The following CREB5 variants were observed in gnomAD, a reference collection of about 807,000 sequenced individuals.
The protein encoded by CREB5 is cAMP responsive element binding protein 5, also known as cyclic AMP-responsive element-binding protein 5.
CREB5 carries 19 observed loss-of-function variants against 57.1 expected under a neutral mutation model. That is an observed-to-expected ratio of 0.33 (90% CI 0.23 to 0.49). The LOEUF (loss-of-function observed/expected upper bound fraction) is 0.49, where lower values mean the gene tolerates loss of function less well. CREB5 is among the 20% of genes least tolerant of loss of function. The pLI, the probability that CREB5 is intolerant of heterozygous loss-of-function variation, is 0.99. For missense variants in CREB5, 579 were observed against 671.6 expected (o/e 0.86, Z 1.52); for synonymous variants, 238 against 238.3 (o/e 1.00, Z 0.01).
At chr7:28,409,746 G>A (rs1562696720), upstream of CREB5, 5 of 363,794 alleles carry the variant, frequency 1.4e-5, no homozygotes, top group African/African-American at 4.5e-5. This position sits in a 1 kb window ranked among gnomAD's most constrained non-coding sequence, Gnocchi z 4.4. Context: ...GTGAGTGCCG[G>A]AGCGCTCGGT....
intron 5 of CREB5, among the ~76,000 whole-genome samples, chr7:28,620,696 G>A (rs1281168348): frequency 1.3e-5 from 2 of 152,058 alleles, no homozygotes; most frequent in Admixed American, 6.5e-5. Context: ...ATCCAGAGCC[G>A]CTACGGTCAA....
chr7:28,303,109 T>C (rs1023295049), intron 1 of CREB5, among the ~76,000 whole-genome samples: 1 of 141,984 alleles, frequency 7.0e-6, no homozygotes, highest in Non-Finnish European at 1.5e-5. Flanking sequence ...GCCATTGCAC[T>C]CCAGCCTGGG....
chr7:28,592,953 T>A (rs1314006901), intron 5 of CREB5, among the ~76,000 whole-genome samples: 1 of 152,236 alleles, frequency 6.6e-6, no homozygotes, highest in African/African-American at 2.4e-5. Context: ...CCCAAGGTCA[T>A]GTAAATCATA....
At chr7:28,434,025 T>C (rs562877232) in intron 1 of CREB5, among the ~76,000 whole-genome samples, 6 of 152,150 alleles carry the variant, frequency 3.9e-5, no homozygotes, top group Middle Eastern at 3.4e-3. Context: ...GTAGCATCAG[T>C]TGAGAGGAAG....
intron 5 of CREB5, among the ~76,000 whole-genome samples, chr7:28,641,882 C>T (rs1158051814): frequency 6.6e-6 from 1 of 152,228 alleles, no homozygotes; most frequent in Non-Finnish European, 1.5e-5. Flanking sequence ...CAGAAATACA[C>T]ACACAGCAAA....
At chr7:28,816,369 C>T (rs776561712) in intron 9 of CREB5, among the ~76,000 whole-genome samples, 21 of 152,268 alleles carry the variant, frequency 1.4e-4, no homozygotes, top group Non-Finnish European at 2.5e-4. Flanking sequence ...TTATCAATCA[C>T]ATTCATTTGG....
intron 5 of CREB5, among the ~76,000 whole-genome samples, chr7:28,584,780 TAA>T (rs57520355): frequency 6.2e-5 from 9 of 145,556 alleles, no homozygotes; most frequent in Admixed American, 1.4e-4. Context: ...GAATCGTGGT[TAA>T]AAAAAAAAAA....
Position 28,560,877 on chromosome 7 carries a change from T to TGTGTGTGTGC in CREB5, c.292-9487_292-9486insTGTGTGTGCG, listed in dbSNP as rs1554344364. Among the ~76,000 whole-genome samples the TGTGTGTGTGC allele has an allele frequency of 1.4e-3, 43 of 30,864 alleles. 6 individuals are homozygous for TGTGTGTGTGC. Among genetic ancestry groups the TGTGTGTGTGC allele is most frequent in the Non-Finnish European group, 2.1e-3 (37 of 17,464 alleles). The allele number at this position is 30,864 out of a possible 152,430, so 20.2% of individuals were successfully genotyped here. A position where few individuals can be genotyped will look rare whatever the true frequency, so the allele number is the denominator to read the frequency against. On this transcript the variant is annotated intron_variant, in intron 4 of 10. Coordinates refer to ENST00000357727, the MANE Select transcript of CREB5 (RefSeq NM_182898.4). The stretch of plus-strand genomic sequence containing the variant: ...GTGTGTGCGTGTGCCTGCGTGCGCG[T>TGTGTGTGTGC]GCGTGCGTGCGTGTGTGTGCGTGCG...
intron 7 of CREB5, among the ~76,000 whole-genome samples, chr7:28,737,877 T>C (rs1033405567): frequency 6.6e-6 from 1 of 152,026 alleles, no homozygotes; most frequent in African/African-American, 2.4e-5. Context: ...AATTAATTAA[T>C]TGAAATATGA....
upstream of CREB5, chr7:28,409,753 C>A (rs1244550553): frequency 5.4e-6 from 2 of 369,164 alleles, no homozygotes; most frequent in South Asian, 4.0e-5. This position sits in a 1 kb window ranked among gnomAD's most constrained non-coding sequence, Gnocchi z 4.4. Flanking sequence ...CCGGAGCGCT[C>A]GGTGGCCGCC....
At chr7:28,525,115 G>T (rs150602) in intron 4 of CREB5, among the ~76,000 whole-genome samples, 125,142 of 152,078 alleles carry the variant, frequency 0.82, 51,583 homozygotes, top group Admixed American at 0.86. Flanking sequence ...TTCATTTAAC[G>T]TAACGACCTT....
chr7:28,704,442 T>A (rs896472532), intron 5 of CREB5, among the ~76,000 whole-genome samples: 1 of 152,164 alleles, frequency 6.6e-6, no homozygotes, highest in Non-Finnish European at 1.5e-5. Flanking sequence ...AACTGACGTG[T>A]TGCTTCCCTG....
At chr7:28,574,866 C>A (rs1388723296) in intron 5 of CREB5, among the ~76,000 whole-genome samples, 1 of 152,270 alleles carries the variant, frequency 6.6e-6, no homozygotes, top group East Asian at 1.9e-4. Flanking sequence ...CAATTTTAAT[C>A]CTGGAACATA....
chr7:28,534,741 A>T (rs1051673899), intron 4 of CREB5, among the ~76,000 whole-genome samples: 10 of 142,744 alleles, frequency 7.0e-5, no homozygotes, highest in Admixed American at 2.8e-4. Flanking sequence ...ACAAATATTT[A>T]TGTAGTGCTT....
chr7:28,375,163 A>G, intron 1 of CREB5, among the ~76,000 whole-genome samples: 1 of 152,022 alleles, frequency 6.6e-6, no homozygotes, highest in East Asian at 1.9e-4. Context: ...ATTACCTAAG[A>G]CCTCCTTAGA....
chr7:28,786,295 G>A (rs990147873), intron 7 of CREB5, among the ~76,000 whole-genome samples: 33 of 152,286 alleles, frequency 2.2e-4, no homozygotes, highest in African/African-American at 7.9e-4. Context: ...TACCCAGGCT[G>A]GAGCGCAGTG....
At chr7:28,399,784 G>A (rs142640890) in intron 1 of CREB5, among the ~76,000 whole-genome samples, 2,318 of 152,202 alleles carry the variant, frequency 0.015, 64 homozygotes, top group African/African-American at 0.053. Context: ...AGCTGGGCGT[G>A]GTGGCTCACG....
chr7:28,772,113 A>G (rs1166680180), intron 7 of CREB5, among the ~76,000 whole-genome samples: 1 of 152,198 alleles, frequency 6.6e-6, no homozygotes, highest in Non-Finnish European at 1.5e-5. Context: ...GACATGGGAT[A>G]GTTTCACTTA....
intron 7 of CREB5, among the ~76,000 whole-genome samples, chr7:28,745,192 A>G (rs1238157445): frequency 1.3e-5 from 2 of 152,234 alleles, no homozygotes; most frequent in African/African-American, 4.8e-5. Context: ...TCGCTCTTTC[A>G]ATGATGTTTT....
Sources: gnomAD v4.1 joint callset for allele counts (sites outside exome capture counted in the v4.1 genomes callset) on GRCh38, gnomAD v4.1.1 for gene constraint, Gnocchi (gnomAD v3.1) non-coding constraint, MANE v1.5 for transcripts, NCBI Gene and HGNC (gene_info 2026-07-23, HGNC 2026-07-21) for gene names.